Variants in ABLIM2 observed in about 807,000 individuals in gnomAD.
The protein encoded by ABLIM2 is actin-binding LIM protein 2.
In ABLIM2, 53 loss-of-function variants were observed where a neutral mutation model predicts 97.7. The observed-to-expected ratio is 0.54, with a 90% CI of 0.44 to 0.68. ABLIM2 has a LOEUF of 0.68. Among genes scored for constraint, ABLIM2 ranks in the 30% least tolerant of loss-of-function variants. ABLIM2 has a pLI of 0.00. For missense variants in ABLIM2, 835 were observed against 867.2 expected (o/e 0.96, Z 0.47); for synonymous variants, 361 against 345.8 (o/e 1.04, Z -0.49).
intron 6 of ABLIM2, among the ~76,000 whole-genome samples, chr4:8,073,932 C>T (rs948117313): frequency 6.6e-6 from 1 of 151,228 alleles, no homozygotes; most frequent in Admixed American, 6.6e-5. Context: ...ACCAAAAATA[C>T]AAAAATCAGC....
Position 8,032,664 on chromosome 4 carries a change from G to A in ABLIM2, c.1048-2888C>T, listed in dbSNP as rs769374994. The stretch of plus-strand genomic sequence containing the variant: ...GGTGGTTACCTCGGTCGGCGTTGGC[G>A]AGAGCAACTGAGGGGACTGTGGACA... On this transcript the variant is annotated intron_variant, in intron 10 of 20. Coordinates refer to ENST00000447017, the MANE Select transcript of ABLIM2 (RefSeq NM_001130083.2). This position sits in a 1 kb window ranked among gnomAD's most constrained non-coding sequence, Gnocchi z 4.3. 3.7e-6 allele frequency: 6 copies of A among 1,612,566 alleles called. No homozygotes were observed. The highest frequency in any genetic ancestry group is 5.1e-6 in the Non-Finnish European group (6 of 1,179,810).
At chr4:8,108,035 A>G (rs1838329493) in intron 1 of ABLIM2, among the ~76,000 whole-genome samples, 1 of 152,208 alleles carries the variant, frequency 6.6e-6, no homozygotes, top group Non-Finnish European at 1.5e-5. Flanking sequence ...AGCCCTTCTC[A>G]CACCTTGATT....
intron 17 of ABLIM2, among the ~76,000 whole-genome samples, chr4:7,987,896 T>G (rs529555692): frequency 9.2e-5 from 14 of 152,294 alleles, no homozygotes; most frequent in African/African-American, 2.9e-4. Flanking sequence ...GAGAGCTAAG[T>G]GGCCAGAGGG....
rs1193616043 is a variant in ABLIM2, at chr4:7,983,251, G to C, written c.1824+13C>G. 6.2e-7 allele frequency: 1 copy of C among 1,605,504 alleles called. No homozygotes were observed. Among genetic ancestry groups the C allele is most frequent in the Non-Finnish European group, 8.5e-7 (1 of 1,176,552 alleles). Reference sequence around the variant, plus strand: ...GGGAAATGAGTCCCCTGCCCCGGCAGTCCCCCGCTTACCTCCAGTCTCGTC... The same window carrying C: ...GGGAAATGAGTCCCCTGCCCCGGCACTCCCCCGCTTACCTCCAGTCTCGTC... On this transcript the variant is annotated intron_variant, in intron 20 of 20. Coordinates refer to ENST00000447017, the MANE Select transcript of ABLIM2 (RefSeq NM_001130083.2).
rs1015816596 is a variant in ABLIM2, at chr4:7,999,586, G to T, written c.1619-6659C>A. ...ATCTGCTCCCAAGCCAGTGTGCCCT[G>T]GTGTGGGTTTGCAGGCATGTGGGGT... On this transcript the variant is annotated intron_variant, in intron 16 of 20. Transcript: ENST00000447017. This position sits in a 1 kb window ranked among gnomAD's most constrained non-coding sequence, Gnocchi z 4.4. Among the ~76,000 whole-genome samples, 6 of 152,202 alleles carry T rather than the reference G, an allele frequency of 3.9e-5. No homozygotes were observed.
intron 5 of ABLIM2, among the ~76,000 whole-genome samples, chr4:8,079,529 C>G (rs1818413549): frequency 6.6e-6 from 1 of 152,186 alleles, no homozygotes; most frequent in Non-Finnish European, 1.5e-5. Context: ...GGTGCAAGCT[C>G]ACCTTGGTTT....
chr4:8,100,117 C>T (rs2152695223), intron 2 of ABLIM2, among the ~76,000 whole-genome samples: 1 of 152,278 alleles, frequency 6.6e-6, no homozygotes, highest in African/African-American at 2.4e-5. Flanking sequence ...GAATCAACAT[C>T]ACTTTCTGGA....
Position 7,970,486 on chromosome 4 carries a change from C to T in ABLIM2, c.1825-3383G>A, listed in dbSNP as rs956056633. ...GGAGGAGGGAGGAGTGGAGAGGGAG[C>T]GGATGGTGGGCAGGCGTGCCCCGCA... On this transcript the variant is annotated intron_variant, in intron 20 of 20. Transcript: ENST00000447017. This position sits in a 1 kb window ranked among gnomAD's most constrained non-coding sequence, Gnocchi z 5.3. 2.0e-5 allele frequency among the ~76,000 whole-genome samples: 3 copies of T among 151,830 alleles called. No homozygotes were observed. Among genetic ancestry groups the T allele is most frequent in the African/African-American group, 2.4e-5 (1 of 41,352 alleles).
intron 8 of ABLIM2, among the ~76,000 whole-genome samples, chr4:8,052,847 C>A (rs949972887): frequency 7.9e-5 from 12 of 152,232 alleles, no homozygotes; most frequent in African/African-American, 2.9e-4. Context: ...CGCTACAGGA[C>A]ATCAGAGTCA....
chr4:7,966,541 C>T lies in ABLIM2; in HGVS notation c.*449G>A, dbSNP rs756545552. 3.7e-5 allele frequency: 6 copies of T among 164,324 alleles called. No individual in the cohort carries two copies. The highest frequency in any genetic ancestry group is 8.0e-5 in the Non-Finnish European group (6 of 75,198). The allele number at this position is 164,324 out of a possible 1,614,324, so 10.2% of individuals were successfully genotyped here. On this transcript the variant is annotated 3_prime_UTR_variant, in exon 21 of 21. Coordinates refer to ENST00000447017, the MANE Select transcript of ABLIM2 (RefSeq NM_001130083.2). ...CTGCGAGTCTGCCTGTGAGGCCAGG[C>T]TGCCCAGGCTCCGAAGGGCCGTGTG...
rs1290348838 is a variant in ABLIM2 at position 8,150,918 on chromosome 4, G to A, written c.10+7762C>T. ...CAAAGCGGCTCCCACGGGGCACGAC[G>A]TCAGGTTTGTCCCTGAGCTGTGAAG... On this transcript the variant is annotated intron_variant, in intron 1 of 20. Transcript: ENST00000447017. The surrounding 1 kb of genome is among the most constrained non-coding windows in gnomAD (Gnocchi z 6.3). 2.0e-5 allele frequency among the ~76,000 whole-genome samples: 3 copies of A among 152,120 alleles called. No homozygotes were observed. The highest frequency in any genetic ancestry group is 4.4e-5 in the Non-Finnish European group (3 of 68,018).
In ABLIM2 at chr4:8,021,954, G is replaced by T. The variant is rs977115214; in HGVS notation, c.1268-1651C>A. ...CTGGCCGTGGCACCCTTGCTGGTCAGGTCACGCTCGTCAGGATGCTCCACG... is the reference window on the plus strand; with the variant it reads ...CTGGCCGTGGCACCCTTGCTGGTCATGTCACGCTCGTCAGGATGCTCCACG... On this transcript the variant is annotated intron_variant, in intron 12 of 20. Coordinates refer to ENST00000447017, the MANE Select transcript of ABLIM2 (RefSeq NM_001130083.2). The surrounding 1 kb of genome is among the most constrained non-coding windows in gnomAD (Gnocchi z 5.5). Among the ~76,000 whole-genome samples, 2 of 152,156 alleles carry T rather than the reference G, an allele frequency of 1.3e-5. No homozygotes were observed. The highest frequency in any genetic ancestry group is 4.8e-5 in the African/African-American group (2 of 41,426).
intron 1 of ABLIM2, among the ~76,000 whole-genome samples, chr4:8,126,545 A>G (rs545032777): frequency 1.1e-4 from 16 of 151,494 alleles, no homozygotes; most frequent in Admixed American, 4.6e-4. Flanking sequence ...AACACGCAGG[A>G]TTGGAGCTAT....
chr4:8,142,637 G>A (rs1020259318), intron 1 of ABLIM2, among the ~76,000 whole-genome samples: 2 of 152,216 alleles, frequency 1.3e-5, no homozygotes, highest in Admixed American at 6.5e-5. Context: ...CATGGTGGGC[G>A]CTGGCATCCT....
chr4:8,025,220 G>A (rs1010093380), intron 12 of ABLIM2, among the ~76,000 whole-genome samples: 4 of 152,298 alleles, frequency 2.6e-5, no homozygotes, highest in Non-Finnish European at 4.4e-5. Flanking sequence ...GAGCCACCAC[G>A]CCTGGCCTCA....
intron 1 of ABLIM2, among the ~76,000 whole-genome samples, chr4:8,156,511 C>A (rs1466393423): frequency 6.6e-6 from 1 of 152,252 alleles, no homozygotes; most frequent in Non-Finnish European, 1.5e-5. Flanking sequence ...TGGCCTCGAT[C>A]CACACCTGGG....
In ABLIM2 at chr4:8,095,975, G is replaced by A. The variant is rs1248194540; in HGVS notation, c.338+1124C>T. On this transcript the variant is annotated intron_variant, in intron 3 of 20. Coordinates refer to ENST00000447017, the MANE Select transcript of ABLIM2 (RefSeq NM_001130083.2). This position sits in a 1 kb window ranked among gnomAD's most constrained non-coding sequence, Gnocchi z 4.7. ...CTCCAAGGTACCTGTGCAGTTCGGC[G>A]CTCTTGCTCTGTGGTGCCCCTGCCC... Among the ~76,000 whole-genome samples, 2 of 152,144 alleles carry A rather than the reference G, an allele frequency of 1.3e-5. No homozygotes were observed. The highest frequency in any genetic ancestry group is 4.8e-5 in the African/African-American group (2 of 41,418).
At chr4:8,100,051 G>T (rs1264982043) in intron 2 of ABLIM2, among the ~76,000 whole-genome samples, 1 of 152,212 alleles carries the variant, frequency 6.6e-6, no homozygotes, top group Non-Finnish European at 1.5e-5. Flanking sequence ...TTGGGCACAC[G>T]CTGTGTTCAT....
rs111757101 is a variant in ABLIM2, at chr4:8,121,147, T to G, written c.11-14510A>C. Among the ~76,000 whole-genome samples, 1,441 of 152,338 alleles carry G rather than the reference T, an allele frequency of 9.5e-3. 13 individuals are homozygous for G. The highest frequency in any genetic ancestry group is 0.03 in the African/African-American group (1,243 of 41,574). On this transcript the variant is annotated intron_variant, in intron 1 of 20. Transcript: ENST00000447017. The stretch of plus-strand genomic sequence containing the variant: ...CACTTCCCCGAGCCTGTTTTCCATC[T>G]GCAAAGTGGGACACTGATCCTACCC...
Sources: gnomAD v4.1 joint callset for allele counts (sites outside exome capture counted in the v4.1 genomes callset) on GRCh38, gnomAD v4.1.1 for gene constraint, Gnocchi (gnomAD v3.1) non-coding constraint, MANE v1.5 for transcripts, NCBI Gene and HGNC (gene_info 2026-07-23, HGNC 2026-07-21) for gene names.